CXCL1: variants seen among roughly 807,000 people sequenced by gnomAD.
The protein encoded by CXCL1 is growth-regulated alpha protein.
In CXCL1, 9 loss-of-function variants were observed where a neutral mutation model predicts 11.7. The ratio of observed to expected loss-of-function variants is 0.77; its 90% CI spans 0.46 to 1.34. The LOEUF is 1.34. CXCL1 is among the 40% of genes most tolerant of loss of function. CXCL1 has a pLI of 0.00. For synonymous variants in CXCL1, 78 were observed against 59.1 expected, an observed-to-expected ratio of 1.32 and a Z score of -1.47; for missense variants, 146 against 138.1, an observed-to-expected ratio of 1.06 and a Z score of -0.29.
chr4:73,870,028 G>T (rs200131602), intron 3 of CXCL1, 39 bp downstream of exon 3: 20 of 1,599,484 alleles, frequency 1.3e-5, no homozygotes, highest in Non-Finnish European at 1.7e-5. Context: ...GACTGGAGCC[G>T]TTGGTCAGAA....
intron 3 of CXCL1, 57 bp from the exon 4 acceptor site, chr4:73,870,464 T>A: frequency 6.2e-7 from 1 of 1,608,172 alleles, no homozygotes; most frequent in Non-Finnish European, 8.5e-7. Flanking sequence ...AGGAGAAGAG[T>A]GTTGTGCAAT....
In CXCL1 at chr4:73,869,936, C is replaced by T. The variant is rs1254825719; in HGVS notation, c.255C>T (p.Cys85=). The T allele has an allele frequency of 8.7e-6, 14 of 1,614,024 alleles. No homozygotes were observed. The highest frequency in any genetic ancestry group is 1.0e-5 in the Non-Finnish European group (12 of 1,180,040). ...CACTCAAGAATGGGCGGAAAGCTTGCCTCAATCCTGCATCCCCCATAGTTA... is the reference window on the plus strand; with the variant it reads ...CACTCAAGAATGGGCGGAAAGCTTGTCTCAATCCTGCATCCCCCATAGTTA... ...IATLKNGRKA[C]LNPASPIVKK... is the part of the protein sequence containing the mutation. Residue 85 remains cysteine, a synonymous_variant, in exon 3 of 4, where the codon TGC becomes TGT. Transcript: ENST00000395761.
rs752617601 is a variant in CXCL1 at position 73,869,898 on chromosome 4, C to T, written c.225-8C>T. 2 of 1,614,194 alleles carry T rather than the reference C, an allele frequency of 1.2e-6. No homozygotes were observed. Among genetic ancestry groups the T allele is most frequent in the Non-Finnish European group, 1.7e-6 (2 of 1,180,034 alleles). The stretch of plus-strand genomic sequence containing the variant: ...CTCCTGCCTCACGAGATTCCCTTCC[C>T]TCTGCAGAGCCACACTCAAGAATGG... On this transcript the variant is annotated splice_polypyrimidine_tract_variant and splice_region_variant and intron_variant, in intron 2 of 3. Coordinates refer to ENST00000395761, the MANE Select transcript of CXCL1 (RefSeq NM_001511.4).
intron 3 of CXCL1, 109 bp from the exon 4 acceptor site, chr4:73,870,412 G>A: frequency 6.9e-7 from 1 of 1,442,162 alleles, no homozygotes; most frequent in Admixed American, 1.8e-5. Flanking sequence ...CCAGGCTGGG[G>A]AAACTGCATT....
In CXCL1 at chr4:73,870,734, T is replaced by A; in HGVS notation, c.*198T>A. On this transcript the variant is annotated 3_prime_UTR_variant, in exon 4 of 4. Coordinates refer to ENST00000395761, the MANE Select transcript of CXCL1 (RefSeq NM_001511.4). ...AGATTCTATGTTAATATTTTAGGTGTAAAATAATTAAGGGTATGATTAACT... is the reference window on the plus strand; with the variant it reads ...AGATTCTATGTTAATATTTTAGGTGAAAAATAATTAAGGGTATGATTAACT... 1.7e-6 allele frequency: 1 copy of A among 598,492 alleles called. No individual in the cohort carries two copies. The highest frequency in any genetic ancestry group is 2.8e-6 in the Non-Finnish European group (1 of 351,950). The allele number at this position is 598,492 out of a possible 1,614,324, so 37.1% of individuals were successfully genotyped here. A position where few individuals can be genotyped will look rare whatever the true frequency, so the allele number is the denominator to read the frequency against.
Position 73,869,807 on chromosome 4 carries a change from G to T in CXCL1, c.224+15G>T. 3 of 1,613,542 alleles carry T rather than the reference G, an allele frequency of 1.9e-6. No homozygotes were observed. The highest frequency in any genetic ancestry group is 1.3e-5 in the African/African-American group (1 of 74,904). ...ACCGAAGTCATGTAAGTCCCGCCCCGCGCTGCCTCTGCCACCGCCGGGGTC... is the reference window on the plus strand; with the variant it reads ...ACCGAAGTCATGTAAGTCCCGCCCCTCGCTGCCTCTGCCACCGCCGGGGTC... On this transcript the variant is annotated intron_variant, in intron 2 of 3. Coordinates refer to ENST00000395761, the MANE Select transcript of CXCL1 (RefSeq NM_001511.4).
chr4:73,869,411 G>T lies in CXCL1; in HGVS notation c.-60G>T. The T allele has an allele frequency of 6.6e-7, 1 of 1,522,416 alleles. No individual in the cohort carries two copies. The highest frequency in any genetic ancestry group is 8.8e-7 in the Non-Finnish European group (1 of 1,133,334). The allele number at this position is 1,522,416 out of a possible 1,614,324, so 94.3% of individuals were successfully genotyped here. ...GAGAGCCACAGAGCCCGGGCCGCAG[G>T]CACCTCCTCGCCAGCTCTTCCGCTC... is the stretch of plus-strand genomic sequence containing the variant. On this transcript the variant is annotated 5_prime_UTR_variant, in exon 1 of 4. Transcript: ENST00000395761.
Position 73,869,761 on chromosome 4 carries a change from C to A in CXCL1, c.193C>A (p.Pro65Thr), listed in dbSNP as rs201878466. 3.2e-5 allele frequency: 51 copies of A among 1,613,934 alleles called. No homozygotes were observed. The East Asian group carries it at 1.1e-3, about 36-fold the overall frequency. Residue 65 changes from proline to threonine, a missense_variant, in exon 2 of 4, where the codon CCC becomes ACC. Transcript: ENST00000395761. ...CATCCAAAGTGTGAACGTGAAGTCC[C>A]CCGGACCCCACTGCGCCCAAACCGA... The part of the protein sequence containing the change: ...KNIQSVNVKS[P>T]GPHCAQTEVI...
chr4:73,870,389 A>G, intron 3 of CXCL1, 132 bp from the exon 4 acceptor site: 5 of 1,109,254 alleles, frequency 4.5e-6, no homozygotes, highest in Non-Finnish European at 4.0e-6. Context: ...CATAGGCAGT[A>G]GCCACTTGGT....
Position 73,869,771 on chromosome 4 carries a change from A to C in CXCL1, c.203A>C (p.His68Pro). ...GTGAACGTGAAGTCCCCCGGACCCC[A>C]CTGCGCCCAAACCGAAGTCATGTAA... ...QSVNVKSPGPHCAQTEVIATL... is the reference protein window; with the variant it reads ...QSVNVKSPGPPCAQTEVIATL... The change falls in exon 2 of 4, where the codon CAC becomes CCC. Residue 68 changes from histidine to proline, a missense_variant. By Grantham distance (77) the His-to-Pro change is moderately conservative. Coordinates refer to ENST00000395761, the MANE Select transcript of CXCL1 (RefSeq NM_001511.4). 6.2e-7 allele frequency: 1 copy of C among 1,613,990 alleles called. No individual in the cohort carries two copies. The highest frequency in any genetic ancestry group is 8.5e-7 in the Non-Finnish European group (1 of 1,179,940).
intron 3 of CXCL1, 101 bp from the exon 4 acceptor site, chr4:73,870,420 A>G: frequency 1.3e-6 from 2 of 1,487,852 alleles, no homozygotes; most frequent in Non-Finnish European, 1.9e-6. Flanking sequence ...GGGAAACTGC[A>G]TTCGGAAAAC....
At chr4:73,870,028 G>C in intron 3 of CXCL1, 39 bp downstream of exon 3, 1 of 1,599,602 alleles carries the variant, frequency 6.3e-7, no homozygotes, top group Non-Finnish European at 8.6e-7. Flanking sequence ...GACTGGAGCC[G>C]TTGGTCAGAA....
rs1731889557 is a variant in CXCL1, at chr4:73,869,582, C to T, written c.100+12C>T. On this transcript the variant is annotated intron_variant, in intron 1 of 3. Transcript: ENST00000395761. Reference sequence around the variant, plus strand: ...CCGGCGCGCAGCAGGTGGGTACCGGCGCCCTGGGGTCCCCGGGCCGGACGC... The same window carrying T: ...CCGGCGCGCAGCAGGTGGGTACCGGTGCCCTGGGGTCCCCGGGCCGGACGC... 5 of 1,612,226 alleles carry T rather than the reference C, an allele frequency of 3.1e-6. No individual in the cohort carries two copies. In the East Asian group the frequency reaches 6.7e-5, roughly 22 times the overall value.
chr4:73,869,900 C>A lies in CXCL1; in HGVS notation c.225-6C>A. 1.2e-6 allele frequency: 2 copies of A among 1,614,180 alleles called. No individual in the cohort carries two copies. The highest frequency in any genetic ancestry group is 1.7e-6 in the Non-Finnish European group (2 of 1,180,020). On this transcript the variant is annotated splice_polypyrimidine_tract_variant and splice_region_variant and intron_variant, in intron 2 of 3. Transcript: ENST00000395761. ...CCTGCCTCACGAGATTCCCTTCCCT[C>A]TGCAGAGCCACACTCAAGAATGGGC...
chr4:73,870,046 C>A, intron 3 of CXCL1, 57 bp downstream of exon 3: 1 of 1,516,988 alleles, frequency 6.6e-7, no homozygotes, highest in South Asian at 1.1e-5. Flanking sequence ...GAAATACTGG[C>A]ATGTGCCCCC....
chr4:73,870,432 C>T, intron 3 of CXCL1, 89 bp from the exon 4 acceptor site: 1 of 1,554,992 alleles, frequency 6.4e-7, no homozygotes, highest in Non-Finnish European at 8.8e-7. Context: ...TCGGAAAACT[C>T]TAGAGGCTGG....
rs776382593 is a variant in CXCL1 at position 73,869,563 on chromosome 4, C to A, written c.93C>A (p.Arg31=). 1.9e-6 allele frequency: 3 copies of A among 1,610,852 alleles called. No individual in the cohort carries two copies. The highest frequency in any genetic ancestry group is 2.2e-5 in the South Asian group (2 of 90,894). The change falls in exon 1 of 4, where the codon CGC becomes CGA. Residue 31 remains arginine, a synonymous_variant. Transcript: ENST00000395761. ...TGCTCCTGGTAGCCGCTGGCCGGCG[C>A]GCAGCAGGTGGGTACCGGCGCCCTG... ...LLLLLVAAGR[R]AAGASVATEL...
intron 3 of CXCL1, chr4:73,870,237 C>CA: frequency 1.6e-6 from 1 of 621,218 alleles, no homozygotes; most frequent in Non-Finnish European, 2.8e-6. Context: ...AAACTGCCTT[C>CA]ATTTGAGGCC....
chr4:73,870,523 A>G lies in CXCL1; in HGVS notation c.311A>G (p.Asp104Gly). The G allele has an allele frequency of 6.2e-7, 1 of 1,613,898 alleles. No individual in the cohort carries two copies. Among genetic ancestry groups the G allele is most frequent in the Non-Finnish European group, 8.5e-7 (1 of 1,179,842 alleles). ...KKIIEKMLNS[D>G]KSN ...GGGCACCCATTTTCTCATTGCAGTG[A>G]CAAATCCAACTGACCAGAAGGGAGG... Residue 104 changes from aspartate to glycine, a missense_variant and splice_region_variant, in exon 4 of 4, where the codon GAC (aspartate) becomes GGC (glycine). Asp to Gly is a moderately conservative substitution (Grantham distance 94). Transcript: ENST00000395761.
Sources: gnomAD v4.1 joint callset for allele counts on GRCh38, gnomAD v4.1.1 for gene constraint, MANE v1.5 for transcripts, NCBI Gene and HGNC (gene_info 2026-07-23, HGNC 2026-07-21) for gene names.